The following PPP2R3A variants were observed in gnomAD, a reference collection of about 807,000 sequenced individuals.
PPP2R3A encodes the protein serine/threonine-protein phosphatase 2A regulatory subunit B'' subunit alpha.
PPP2R3A carries 80 observed loss-of-function variants against 106.9 expected under a neutral mutation model. The ratio of observed to expected loss-of-function variants is 0.75; its 90% CI spans 0.62 to 0.90. PPP2R3A has a LOEUF of 0.90. Among genes scored for constraint, PPP2R3A ranks in the 40% least tolerant of loss-of-function variants. PPP2R3A has a pLI of 0.00. For missense variants in PPP2R3A, 1,386 were observed against 1,350.4 expected, an observed-to-expected ratio of 1.03 and a Z score of -0.41; for synonymous variants, 483 against 468.3, an observed-to-expected ratio of 1.03 and a Z score of -0.41.
In PPP2R3A at chr3:136,002,460, C is replaced by T. The variant is rs1193044534; in HGVS notation, c.962C>T (p.Pro321Leu). The change falls in exon 2 of 14, where the codon CCC (proline) becomes CTC (leucine). Residue 321 changes from proline to leucine, a missense_variant. Transcript: ENST00000264977. The part of the protein sequence containing the change: ...ISNMPSLQLT[P>L]FSPVFGTEQP... ...AATATGCCTAGCTTACAACTGACTC[C>T]CTTCTCCCCAGTGTTTGGCACTGAA... The T allele has an allele frequency of 6.2e-7, 1 of 1,613,966 alleles. No homozygotes were observed. The highest frequency in any genetic ancestry group is 8.5e-7 in the Non-Finnish European group (1 of 1,179,902).
intron 13 of PPP2R3A, among the ~76,000 whole-genome samples, chr3:136,128,598 TAGAC>T (rs758707938): frequency 1.1e-4 from 16 of 152,274 alleles, no homozygotes; most frequent in East Asian, 9.6e-4. Flanking sequence ...CTGTCAATAT[TAGAC>T]AGATCAATGA....
intron 3 of PPP2R3A, among the ~76,000 whole-genome samples, chr3:136,037,743 T>C (rs1197309578): frequency 1.3e-5 from 2 of 152,248 alleles, no homozygotes; most frequent in Non-Finnish European, 2.9e-5. Flanking sequence ...CTCTCCTATG[T>C]GTATCATTAG....
At chr3:136,006,092 C>T (rs1050185925) in intron 2 of PPP2R3A, among the ~76,000 whole-genome samples, 7 of 152,160 alleles carry the variant, frequency 4.6e-5, no homozygotes, top group African/African-American at 1.4e-4. Flanking sequence ...GGTACAGCTA[C>T]CTTAAAATGC....
chr3:135,996,169 A>G (rs189316330), intron 1 of PPP2R3A, among the ~76,000 whole-genome samples: 1 of 152,352 alleles, frequency 6.6e-6, no homozygotes, highest in Admixed American at 6.5e-5. Flanking sequence ...TGTCCAAAAA[A>G]AAATGTATTT....
chr3:136,120,283 T>G (rs529959969), intron 13 of PPP2R3A, among the ~76,000 whole-genome samples: 1 of 152,230 alleles, frequency 6.6e-6, no homozygotes, highest in East Asian at 1.9e-4. Flanking sequence ...ACTTAAAGTA[T>G]AATTTTTTAA....
At chr3:136,108,950 T>C (rs1472102272) in intron 13 of PPP2R3A, among the ~76,000 whole-genome samples, 2 of 152,062 alleles carry the variant, frequency 1.3e-5, no homozygotes, top group African/African-American at 2.4e-5. Flanking sequence ...GAGCTCTTCT[T>C]TAAAAAGTAC....
At chr3:136,004,407 T>C (rs1933771230) in intron 2 of PPP2R3A, among the ~76,000 whole-genome samples, 1 of 152,190 alleles carries the variant, frequency 6.6e-6, no homozygotes, top group Admixed American at 6.5e-5. Context: ...ATATGTGGCT[T>C]TTGAGTTCAC....
At position 136,040,915 on chromosome 3, in the gene PPP2R3A, G is replaced by A. The variant is rs774385874; in HGVS notation, c.2319G>A (p.Glu773=). 7 of 1,613,766 alleles carry A rather than the reference G, an allele frequency of 4.3e-6. No individual in the cohort carries two copies. Among genetic ancestry groups the A allele is most frequent in the Non-Finnish European group, 5.9e-6 (7 of 1,179,844 alleles). ...CCATGTTCAGGGCTGCAGGGGGAGA[G>A]AAGACAGGATTTGTGACAGCACAGT... ...KAPMFRAAGG[E]KTGFVTAQSF... The change falls in exon 4 of 14, where the codon GAG becomes GAA. Residue 773 remains glutamate (E), a synonymous_variant. Coordinates refer to ENST00000264977, the MANE Select transcript of PPP2R3A (RefSeq NM_002718.5).
intron 13 of PPP2R3A, among the ~76,000 whole-genome samples, chr3:136,109,958 G>A (rs1326009730): frequency 6.6e-6 from 1 of 152,044 alleles, no homozygotes; most frequent in African/African-American, 2.4e-5. Flanking sequence ...AGAAGAAGAT[G>A]TGTCTAGGTA....
chr3:136,000,253 C>T (rs1933569972), intron 1 of PPP2R3A, among the ~76,000 whole-genome samples: 1 of 152,088 alleles, frequency 6.6e-6, no homozygotes, highest in Admixed American at 6.5e-5. Flanking sequence ...GGGTTTTTTC[C>T]CCTTGTTTTA....
chr3:136,113,930 A>T (rs1015154965), intron 13 of PPP2R3A, among the ~76,000 whole-genome samples: 3 of 152,238 alleles, frequency 2.0e-5, no homozygotes, highest in African/African-American at 7.2e-5. Flanking sequence ...CAAAAACAAA[A>T]GTAGACAAGT....
In PPP2R3A at chr3:136,040,890, C is replaced by T. The variant is rs1198892089; in HGVS notation, c.2294C>T (p.Pro765Leu). ...GGCTGTCCTCTCTATTGGAAAGCCCCCATGTTCAGGGCTGCAGGGGGAGAG... is the reference window on the plus strand; with the variant it reads ...GGCTGTCCTCTCTATTGGAAAGCCCTCATGTTCAGGGCTGCAGGGGGAGAG... ...VCGCPLYWKA[P>L]MFRAAGGEKT... The change falls in exon 4 of 14, where the codon CCC becomes CTC. Residue 765 changes from proline (P) to leucine (L), a missense_variant. By Grantham distance (98) the Pro-to-Leu change is moderately conservative. Coordinates refer to ENST00000264977, the MANE Select transcript of PPP2R3A (RefSeq NM_002718.5). The T allele has an allele frequency of 1.2e-6, 2 of 1,613,224 alleles. No homozygotes were observed. The highest frequency in any genetic ancestry group is 2.7e-5 in the African/African-American group (2 of 74,864).
rs1417020764 is a variant in PPP2R3A at position 136,145,865 on chromosome 3, T to C, written c.*699T>C. On this transcript the variant is annotated 3_prime_UTR_variant, in exon 14 of 14. Transcript: ENST00000264977. ...TCAAGATAAAAAAACACTTCTTAAATGAAGTATAGAATTTGACTCATACTT... is the reference window on the plus strand; with the variant it reads ...TCAAGATAAAAAAACACTTCTTAAACGAAGTATAGAATTTGACTCATACTT... 6.6e-6 allele frequency: 1 copy of C among 152,376 alleles called. No homozygotes were observed. The highest frequency in any genetic ancestry group is 1.5e-5 in the Non-Finnish European group (1 of 68,032). The allele number at this position is 152,376 out of a possible 1,614,324, so 9.4% of individuals were successfully genotyped here. A position where few individuals can be genotyped will look rare whatever the true frequency, so the allele number is the denominator to read the frequency against.
intron 1 of PPP2R3A, among the ~76,000 whole-genome samples, chr3:135,992,561 C>T (rs1354119400): frequency 6.6e-6 from 1 of 152,146 alleles, no homozygotes; most frequent in Non-Finnish European, 1.5e-5. Flanking sequence ...TAATTTCCAT[C>T]ATTACATTAA....
intron 9 of PPP2R3A, 123 bp downstream of exon 9, chr3:136,088,054 C>A: frequency 2.7e-6 from 2 of 734,284 alleles, no homozygotes; most frequent in Non-Finnish European, 4.5e-6. Context: ...TCCTATAAAA[C>A]ATAGTTATGG....
chr3:135,990,664 A>G (rs776206019), intron 1 of PPP2R3A, among the ~76,000 whole-genome samples: 13 of 152,202 alleles, frequency 8.5e-5, no homozygotes, highest in Admixed American at 8.5e-4. Flanking sequence ...TAAAGATAAA[A>G]GTCTTACGTT....
intron 1 of PPP2R3A, among the ~76,000 whole-genome samples, chr3:135,991,110 C>T (rs1933141416): frequency 6.6e-6 from 1 of 152,142 alleles, no homozygotes; most frequent in South Asian, 2.1e-4. Context: ...GGCAGATCCC[C>T]TCTCTGGTGT....
At chr3:136,109,567 G>C (rs1211358417) in intron 13 of PPP2R3A, among the ~76,000 whole-genome samples, 2 of 152,056 alleles carry the variant, frequency 1.3e-5, no homozygotes, top group Non-Finnish European at 2.9e-5. Context: ...CCTTAAGATA[G>C]ATAAAAATAC....
intron 1 of PPP2R3A, among the ~76,000 whole-genome samples, chr3:135,975,646 T>G (rs1357901591): frequency 6.6e-6 from 1 of 152,206 alleles, no homozygotes; most frequent in East Asian, 1.9e-4. Context: ...ACACTTGGGT[T>G]GTTTCCAATT....
Sources: gnomAD v4.1 joint callset for allele counts (sites outside exome capture counted in the v4.1 genomes callset) on GRCh38, gnomAD v4.1.1 for gene constraint, MANE v1.5 for transcripts, NCBI Gene and HGNC (gene_info 2026-07-23, HGNC 2026-07-21) for gene names.